S100PBP: variants seen among roughly 807,000 people sequenced by gnomAD.
The protein encoded by S100PBP is S100P binding protein.
In S100PBP, 15 loss-of-function variants were observed where a neutral mutation model predicts 39.9. The ratio of observed to expected loss-of-function variants is 0.38; its 90% CI spans 0.25 to 0.58. S100PBP has a LOEUF of 0.58. Ranked by LOEUF, S100PBP falls within the 20% of genes least tolerant of loss-of-function variation. S100PBP has a pLI of 0.70. For missense variants in S100PBP, 504 were observed against 487.3 expected (o/e 1.03, Z -0.32); for synonymous variants, 178 against 180.3 (o/e 0.99, Z 0.10).
At position 32,842,234 on chromosome 1, in the gene S100PBP, T is replaced by C. The variant is rs867840664; in HGVS notation, c.1025-10845T>C. ...ATATATATATATGTATATATATATA[T>C]ATACACACACACACACACACACACA... On this transcript the variant is annotated intron_variant, in intron 5 of 6. Coordinates refer to ENST00000373475, the MANE Select transcript of S100PBP (RefSeq NM_022753.4). 5.1e-4 allele frequency among the ~76,000 whole-genome samples: 47 copies of C among 91,926 alleles called. No individual in the cohort carries two copies. The East Asian group carries it at 7.2e-3, about 14-fold the overall frequency. The allele number at this position is 91,926 out of a possible 152,430, so 60.3% of individuals were successfully genotyped here.
At chr1:32,842,476 A>AT (rs890815421) in intron 5 of S100PBP, among the ~76,000 whole-genome samples, 2 of 151,830 alleles carry the variant, frequency 1.3e-5, no homozygotes, top group Admixed American at 6.6e-5. Context: ...GCTTTTGTAG[A>AT]TTCTTTGCAT....
intron 5 of S100PBP, among the ~76,000 whole-genome samples, chr1:32,830,478 ACAC>A (rs1639546585): frequency 6.6e-6 from 1 of 152,202 alleles, no homozygotes; most frequent in Admixed American, 6.5e-5. Flanking sequence ...GGCATTTCAA[ACAC>A]CATTCTGCAT....
chr1:32,829,588 G>A (rs1172267477), intron 4 of S100PBP, among the ~76,000 whole-genome samples: 1 of 152,040 alleles, frequency 6.6e-6, no homozygotes, highest in East Asian at 1.9e-4. Flanking sequence ...TCAGCCTCCT[G>A]AGTAGCTAGG....
At chr1:32,829,418 G>C (rs1308542065) in intron 4 of S100PBP, among the ~76,000 whole-genome samples, 1 of 152,068 alleles carries the variant, frequency 6.6e-6, no homozygotes, top group African/African-American at 2.4e-5. Flanking sequence ...TCTATTCCTT[G>C]TTAGCAGGAG....
intron 1 of S100PBP, among the ~76,000 whole-genome samples, chr1:32,822,620 CAAAA>C (rs922887705): frequency 1.4e-4 from 11 of 77,768 alleles, no homozygotes; most frequent in African/African-American, 2.8e-4. Context: ...GACTCCGTTT[CAAAA>C]AAAAAAAAAA....
At chr1:32,828,485 A>G (rs1417947368) in intron 4 of S100PBP, among the ~76,000 whole-genome samples, 1 of 152,120 alleles carries the variant, frequency 6.6e-6, no homozygotes, top group Non-Finnish European at 1.5e-5. Context: ...CAACTTGCAT[A>G]CAACTACCCT....
chr1:32,845,773 G>A (rs537968333), intron 5 of S100PBP, among the ~76,000 whole-genome samples: 3 of 151,424 alleles, frequency 2.0e-5, no homozygotes, highest in South Asian at 4.2e-4. Flanking sequence ...TCAACCTCCC[G>A]GGCTCGTGAT....
chr1:32,838,527 C>T (rs1365434598), intron 5 of S100PBP, among the ~76,000 whole-genome samples: 1 of 151,798 alleles, frequency 6.6e-6, no homozygotes, highest in Non-Finnish European at 1.5e-5. Flanking sequence ...ATACACATAA[C>T]CATCTTTTTA....
chr1:32,840,056 C>T (rs1444476805), intron 5 of S100PBP, among the ~76,000 whole-genome samples: 1 of 152,116 alleles, frequency 6.6e-6, no homozygotes, highest in African/African-American at 2.4e-5. Flanking sequence ...GCAATCTCAG[C>T]TCACTGCAAC....
Position 32,826,947 on chromosome 1 carries a change from C to A in S100PBP, c.831+17C>A, listed in dbSNP as rs557234836. ...TCAAACAAAGTAAGTATATTTTATT[C>A]AAGGTGAAGAGAAAAATGAAATTAT... On this transcript the variant is annotated intron_variant, in intron 3 of 6. Coordinates refer to ENST00000373475, the MANE Select transcript of S100PBP (RefSeq NM_022753.4). The A allele has an allele frequency of 2.0e-6, 3 of 1,488,090 alleles. No individual in the cohort carries two copies. In the African/African-American group the frequency reaches 4.2e-5, roughly 21 times the overall value. The allele number at this position is 1,488,090 out of a possible 1,614,324, so 92.2% of individuals were successfully genotyped here. A position where few individuals can be genotyped will look rare whatever the true frequency, so the allele number is the denominator to read the frequency against.
intron 5 of S100PBP, among the ~76,000 whole-genome samples, chr1:32,852,024 T>C (rs2148695459): frequency 6.6e-6 from 1 of 152,292 alleles, no homozygotes; most frequent in South Asian, 2.1e-4. Context: ...AGTTGAATCC[T>C]GGGTCATCAA....
upstream of S100PBP, chr1:32,816,847 C>T (rs1028563985): frequency 3.3e-5 from 16 of 477,910 alleles, no homozygotes; most frequent in African/African-American, 2.3e-4. Context: ...AACGTCTGAT[C>T]CCCTTCAGAC....
intron 1 of S100PBP, among the ~76,000 whole-genome samples, chr1:32,823,162 C>T (rs1434428340): frequency 6.6e-6 from 1 of 152,192 alleles, no homozygotes; most frequent in African/African-American, 2.4e-5. Flanking sequence ...TCCATTTGGC[C>T]AACCAAGGGC....
At chr1:32,822,569 C>T (rs973263808) in intron 1 of S100PBP, among the ~76,000 whole-genome samples, 10 of 144,406 alleles carry the variant, frequency 6.9e-5, no homozygotes, top group Admixed American at 3.7e-4. Context: ...TGCAGTGAGC[C>T]GAGATCGCGC....
intron 5 of S100PBP, among the ~76,000 whole-genome samples, chr1:32,840,073 C>G (rs112663180): frequency 0.1 from 15,805 of 152,196 alleles, 910 homozygotes; most frequent in Admixed American, 0.17. Flanking sequence ...CAACCTCTGC[C>G]TCCCAGGTTC....
intron 6 of S100PBP, among the ~76,000 whole-genome samples, chr1:32,855,295 C>A (rs1213905318): frequency 3.9e-5 from 6 of 151,914 alleles, no homozygotes; most frequent in Non-Finnish European, 8.8e-5. Context: ...AGAAAGCTTC[C>A]TAGATTATTA....
intron 5 of S100PBP, among the ~76,000 whole-genome samples, chr1:32,831,906 A>G (rs996156295): frequency 2.6e-5 from 4 of 152,238 alleles, no homozygotes; most frequent in Non-Finnish European, 5.9e-5. Flanking sequence ...CAAGAAAAGC[A>G]AAGAGCAGCT....
chr1:32,846,589 TTTA>T (rs1446467215), intron 5 of S100PBP, among the ~76,000 whole-genome samples: 1 of 151,900 alleles, frequency 6.6e-6, no homozygotes, highest in Non-Finnish European at 1.5e-5. Flanking sequence ...TTGTTGTATT[TTTA>T]TTATCTTATT....
chr1:32,854,158 A>C (rs754712725), intron 6 of S100PBP, among the ~76,000 whole-genome samples: 1 of 152,178 alleles, frequency 6.6e-6, no homozygotes, highest in Non-Finnish European at 1.5e-5. Flanking sequence ...TATTCAGTCT[A>C]TCAGCAAATC....
Sources: allele counts gnomAD v4.1 joint callset (sites outside exome capture counted in the v4.1 genomes callset), GRCh38; gene constraint gnomAD v4.1.1; transcripts MANE v1.5; gene names NCBI Gene and HGNC (gene_info 2026-07-23, HGNC 2026-07-21).